The following TMED5 variants were observed in gnomAD, a reference collection of about 807,000 sequenced individuals.
The protein encoded by TMED5 is transmembrane p24 trafficking protein 5, also known as transmembrane emp24 domain-containing protein 5.
TMED5 carries 27 observed loss-of-function variants against 23.0 expected under a neutral mutation model. That is an observed-to-expected ratio of 1.17 (90% CI 0.86 to 1.62). TMED5 has a LOEUF of 1.62. TMED5 is among the 40% of genes most tolerant of loss of function. The pLI, the probability that TMED5 is intolerant of heterozygous loss-of-function variation, is 0.00. For synonymous variants in TMED5, 97 were observed against 100.8 expected (o/e 0.96, Z 0.23); for missense variants, 248 against 273.7 (o/e 0.91, Z 0.66).
Position 93,154,526 on chromosome 1 carries a change from C to T in TMED5, c.*144G>A. ...GGATTACTTGCACAGAAAGTGAAGA[C>T]TTAATTTTCACATTAAAATTATACC... On this transcript the variant is annotated 3_prime_UTR_variant, in exon 4 of 4. Coordinates refer to ENST00000370282, the MANE Select transcript of TMED5 (RefSeq NM_016040.5). 1 of 626,210 alleles carries T rather than the reference C, an allele frequency of 1.6e-6. No homozygotes were observed. The allele number at this position is 626,210 out of a possible 1,614,324, so 38.8% of individuals were successfully genotyped here.
intron 1 of TMED5, among the ~76,000 whole-genome samples, chr1:93,172,346 A>G (rs1272286358): frequency 2.0e-5 from 3 of 152,232 alleles, no homozygotes; most frequent in African/African-American, 7.2e-5. Context: ...CTAATAAGTG[A>G]TGATAGCCAA....
At position 93,155,532 on chromosome 1, in the gene TMED5, GTTTT is replaced by G. The variant is rs547977053; in HGVS notation, c.472-648_472-645del. Among the ~76,000 whole-genome samples the G allele has an allele frequency of 2.2e-3, 282 of 130,154 alleles. 1 individual carries two copies. Among genetic ancestry groups the G allele is most frequent in the African/African-American group, 7.5e-3 (271 of 35,948 alleles). 85.4% of individuals were successfully genotyped at this position (130,154 alleles called of 152,430 possible). A position where few individuals can be genotyped will look rare whatever the true frequency, so the allele number is the denominator to read the frequency against. On this transcript the variant is annotated intron_variant, in intron 3 of 3. Transcript: ENST00000370282. ...CACACAACCAAAGGAAATGACTAAG[GTTTT>G]TTTTTTTTTTTTTTTTGTCGGGGGA...
intron 2 of TMED5, chr1:93,158,741 T>A (rs1648163691): frequency 6.2e-6 from 1 of 161,168 alleles, no homozygotes; most frequent in Non-Finnish European, 1.3e-5. Context: ...CTAATTTTTG[T>A]ATTTTTAGTA....
chr1:93,180,301 G>C lies in TMED5; in HGVS notation c.-59C>G, dbSNP rs1278979379. The C allele has an allele frequency of 6.6e-7, 1 of 1,526,052 alleles. No individual in the cohort carries two copies. Among genetic ancestry groups the C allele is most frequent in the Non-Finnish European group, 8.8e-7 (1 of 1,137,510 alleles). 94.5% of individuals were successfully genotyped at this position (1,526,052 alleles called of 1,614,324 possible). The stretch of plus-strand genomic sequence containing the variant: ...TCAGGTACTGTTGTCTCCGCTCCGC[G>C]TTTCCTCTCTGGACTCCTCGTGGTT... On this transcript the variant is annotated 5_prime_UTR_variant, in exon 1 of 4. Coordinates refer to ENST00000370282, the MANE Select transcript of TMED5 (RefSeq NM_016040.5).
intron 2 of TMED5, among the ~76,000 whole-genome samples, chr1:93,157,899 C>T (rs1027642461): frequency 1.3e-5 from 2 of 152,050 alleles, no homozygotes; most frequent in African/African-American, 4.8e-5. Context: ...CCGAGGCAGG[C>T]AGATCACGAG....
At position 93,180,344 on chromosome 1, in the gene TMED5, T is replaced by C; in HGVS notation, c.-102A>G. 7.1e-7 allele frequency: 1 copy of C among 1,406,270 alleles called. No individual in the cohort carries two copies. Among genetic ancestry groups the C allele is most frequent in the Admixed American group, 2.9e-5 (1 of 34,910 alleles). The allele number at this position is 1,406,270 out of a possible 1,614,324, so 87.1% of individuals were successfully genotyped here. On this transcript the variant is annotated 5_prime_UTR_variant, in exon 1 of 4. Transcript: ENST00000370282. ...TCGTGGTTGACAGGGAAATCTGGAG[T>C]CTGAAGAAACTCCAGGTGGCGGCCG...
At chr1:93,167,037 T>C (rs1160370464) in intron 1 of TMED5, among the ~76,000 whole-genome samples, 1 of 152,202 alleles carries the variant, frequency 6.6e-6, no homozygotes, top group Non-Finnish European at 1.5e-5. Flanking sequence ...TCAGTGTATG[T>C]TCTTGGCACC....
At chr1:93,178,051 T>C (rs1648987231) in intron 1 of TMED5, among the ~76,000 whole-genome samples, 1 of 152,230 alleles carries the variant, frequency 6.6e-6, no homozygotes, top group South Asian at 2.1e-4. Flanking sequence ...GTTAGTTTCC[T>C]TGACTCTAAT....
Position 93,168,507 on chromosome 1 carries a change from C to T in TMED5, c.190-8281G>A, listed in dbSNP as rs568821188. Among the ~76,000 whole-genome samples the T allele has an allele frequency of 1.7e-4, 26 of 152,300 alleles. 1 individual carries two copies. In the South Asian group the frequency reaches 4.3e-3, roughly 25 times the overall value. ...TAGCTATATTAATGTCAGAGAAAGACGACTTCAGAATAAGGAAAATCTTCA... is the reference window on the plus strand; with the variant it reads ...TAGCTATATTAATGTCAGAGAAAGATGACTTCAGAATAAGGAAAATCTTCA... On this transcript the variant is annotated intron_variant, in intron 1 of 3. Transcript: ENST00000370282.
chr1:93,163,361 T>C (rs77409907), intron 1 of TMED5, among the ~76,000 whole-genome samples: 1 of 151,472 alleles, frequency 6.6e-6, no homozygotes, highest in East Asian at 2.0e-4. Context: ...TTTTTTTTTT[T>C]TGAGACACAG....
intron 2 of TMED5, among the ~76,000 whole-genome samples, chr1:93,156,973 A>G (rs1648097713): frequency 6.6e-6 from 1 of 152,168 alleles, no homozygotes; most frequent in Non-Finnish European, 1.5e-5. Context: ...CAACTTAGAC[A>G]TGTTTGGCAT....
At chr1:93,155,487 A>G (rs1170012179) in intron 3 of TMED5, among the ~76,000 whole-genome samples, 1 of 151,374 alleles carries the variant, frequency 6.6e-6, no homozygotes, top group Non-Finnish European at 1.5e-5. Flanking sequence ...TTTTACGTAC[A>G]TTATCTCTTT....
chr1:93,165,520 T>C (rs1386730677), intron 1 of TMED5, among the ~76,000 whole-genome samples: 1 of 152,166 alleles, frequency 6.6e-6, no homozygotes, highest in Non-Finnish European at 1.5e-5. Flanking sequence ...CTTGGATTAG[T>C]TGTAAGTGTA....
intron 3 of TMED5, 107 bp downstream of exon 3, chr1:93,156,187 TAGAAAC>T (rs1380518514): frequency 8.4e-7 from 1 of 1,187,654 alleles, no homozygotes; most frequent in Non-Finnish European, 1.2e-6. Flanking sequence ...AATAAAATAT[TAGAAAC>T]AGATTTTCCT....
Position 93,180,245 on chromosome 1 carries a change from C to A in TMED5, c.-3G>T, listed in dbSNP as rs774905565. 1 of 1,604,824 alleles carries A rather than the reference C, an allele frequency of 6.2e-7. No individual in the cohort carries two copies. The highest frequency in any genetic ancestry group is 2.3e-5 in the East Asian group (1 of 44,088). On this transcript the variant is annotated 5_prime_UTR_variant, in exon 1 of 4. The change creates a new upstream start codon in the 5' untranslated region. Transcript: ENST00000370282. ...GGCAGCCAGATCTTGTCGCCCATCCCTGCTGGGGCGATCCCGGGCTGAAAG... is the reference window on the plus strand; with the variant it reads ...GGCAGCCAGATCTTGTCGCCCATCCATGCTGGGGCGATCCCGGGCTGAAAG...
chr1:93,152,482 C>G lies in TMED5; in HGVS notation c.*2188G>C, dbSNP rs1434343881. On this transcript the variant is annotated 3_prime_UTR_variant, in exon 4 of 4. Coordinates refer to ENST00000370282, the MANE Select transcript of TMED5 (RefSeq NM_016040.5). ...TTGGTTATGCCTCTTAAATATCTGTCTTTTTACTTTGTCTATAAAAATAAT... is the reference window on the plus strand; with the variant it reads ...TTGGTTATGCCTCTTAAATATCTGTGTTTTTACTTTGTCTATAAAAATAAT... The G allele has an allele frequency of 2.0e-5, 3 of 152,120 alleles. No individual in the cohort carries two copies. The highest frequency in any genetic ancestry group is 4.8e-5 in the African/African-American group (2 of 41,410). 9.4% of individuals were successfully genotyped at this position (152,120 alleles called of 1,614,324 possible).
intron 1 of TMED5, among the ~76,000 whole-genome samples, chr1:93,169,859 G>A (rs1369141866): frequency 6.8e-6 from 1 of 146,914 alleles, no homozygotes; most frequent in African/African-American, 2.5e-5. Flanking sequence ...ACTAGCCTAG[G>A]CAGCAAAGTG....
At position 93,150,281 on chromosome 1, in the gene TMED5, A is replaced by G. The variant is rs191040791; in HGVS notation, c.*4389T>C. ...GCATAATTCCCTTGAGGTCCATGCA[A>G]TTTGTTACATGTATCAGTAGTTTGT... On this transcript the variant is annotated 3_prime_UTR_variant, in exon 4 of 4. Transcript: ENST00000370282. 8 of 152,340 alleles carry G rather than the reference A, an allele frequency of 5.3e-5. No individual in the cohort carries two copies. The highest frequency in any genetic ancestry group is 1.9e-4 in the African/African-American group (8 of 41,572). 9.4% of individuals were successfully genotyped at this position (152,340 alleles called of 1,614,324 possible).
Position 93,154,880 on chromosome 1 carries a change from G to C in TMED5, c.480C>G (p.Ile160Met). 6.3e-7 allele frequency: 1 copy of C among 1,592,482 alleles called. No homozygotes were observed. The highest frequency in any genetic ancestry group is 8.6e-7 in the Non-Finnish European group (1 of 1,164,930). The change falls in exon 4 of 4, where the codon ATC becomes ATG. Residue 160 changes from isoleucine to methionine, a missense_variant. Physicochemically the swap from Ile to Met is conservative, Grantham distance 10. Coordinates refer to ENST00000370282, the MANE Select transcript of TMED5 (RefSeq NM_016040.5). ...DMKLEDILES[I>M]NSIKSRLSKS... ...TGCTTAGTCTGGACTTGATGCTGTT[G>C]ATGGATTCCTGGAGATAAATAAAAT...
Sources: gnomAD v4.1 joint callset for allele counts (sites outside exome capture counted in the v4.1 genomes callset) on GRCh38, gnomAD v4.1.1 for gene constraint, MANE v1.5 for transcripts, NCBI Gene and HGNC (gene_info 2026-07-23, HGNC 2026-07-21) for gene names.